Variants in MTUS2 observed in about 807,000 individuals in gnomAD.
MTUS2 encodes microtubule associated scaffold protein 2, also known as microtubule-associated tumor suppressor candidate 2.
MTUS2 carries 40 observed loss-of-function variants against 114.1 expected under a neutral mutation model. The observed-to-expected ratio is 0.35, with a 90% CI of 0.27 to 0.46. The LOEUF (loss-of-function observed/expected upper bound fraction) is 0.46, where lower values mean the gene tolerates loss of function less well. Ranked by LOEUF, MTUS2 falls within the 20% of genes least tolerant of loss-of-function variation. The pLI is 1.00. For synonymous variants in MTUS2, 688 were observed against 672.0 expected (o/e 1.02, Z -0.37); for missense variants, 1,679 against 1,705.4 (o/e 0.98, Z 0.27).
chr13:29,311,339 A>G (rs1360181896), intron 6 of MTUS2, among the ~76,000 whole-genome samples: 2 of 152,186 alleles, frequency 1.3e-5, no homozygotes, highest in Non-Finnish European at 2.9e-5. Flanking sequence ...CTGGGTAACA[A>G]TTGCATGGAT....
At chr13:29,423,473 G>C (rs9579372) in intron 8 of MTUS2, among the ~76,000 whole-genome samples, 1 of 152,008 alleles carries the variant, frequency 6.6e-6, no homozygotes, top group East Asian at 1.9e-4. Flanking sequence ...GAAGGTAGAC[G>C]AGTGAGTTGT....
At chr13:29,132,421 G>A (rs141899369) in intron 5 of MTUS2, among the ~76,000 whole-genome samples, 13 of 152,190 alleles carry the variant, frequency 8.5e-5, no homozygotes, top group Middle Eastern at 3.4e-3. Context: ...CAGTTCAGTG[G>A]CAGTAAGTAC....
At chr13:29,126,429 G>T (rs1032916609) in intron 5 of MTUS2, among the ~76,000 whole-genome samples, 9 of 152,010 alleles carry the variant, frequency 5.9e-5, no homozygotes, top group Non-Finnish European at 1.3e-4. Flanking sequence ...CCATTTTACT[G>T]CCACTTACCC....
At chr13:29,359,811 C>T (rs912450245) in intron 8 of MTUS2, among the ~76,000 whole-genome samples, 1 of 152,038 alleles carries the variant, frequency 6.6e-6, no homozygotes, top group South Asian at 2.1e-4. Flanking sequence ...TTTGCATTTT[C>T]GAGGGGAGAT....
At chr13:29,455,498 T>C (rs1242858386) in intron 9 of MTUS2, among the ~76,000 whole-genome samples, 3 of 152,082 alleles carry the variant, frequency 2.0e-5, no homozygotes, top group South Asian at 4.1e-4. Context: ...AATAAAACCA[T>C]GTGTGACAGA....
At chr13:29,488,435 C>T (rs4556653) in intron 11 of MTUS2, among the ~76,000 whole-genome samples, 8,834 of 136,022 alleles carry the variant, frequency 0.065, 528 homozygotes, top group African/African-American at 0.17. Flanking sequence ...TTTTTTTTTC[C>T]TCTTTTTTTT....
intron 5 of MTUS2, among the ~76,000 whole-genome samples, chr13:29,215,034 T>C (rs865989537): frequency 6.6e-6 from 1 of 152,040 alleles, no homozygotes; most frequent in Non-Finnish European, 1.5e-5. Flanking sequence ...CATAGTCCCA[T>C]ATTTCTTGGT....
intron 8 of MTUS2, among the ~76,000 whole-genome samples, chr13:29,371,761 G>A (rs1209198874): frequency 6.6e-6 from 1 of 152,082 alleles, no homozygotes; most frequent in Admixed American, 6.5e-5. Context: ...AAGATAGGCA[G>A]GAGAACTCTT....
At chr13:28,837,776 T>G (rs1472988800) in intron 1 of MTUS2, among the ~76,000 whole-genome samples, 1 of 152,188 alleles carries the variant, frequency 6.6e-6, no homozygotes, top group East Asian at 1.9e-4. Context: ...TTTTTTCTGT[T>G]ACAATTAGTA....
At chr13:28,926,461 G>A (rs1881333411) in intron 2 of MTUS2, among the ~76,000 whole-genome samples, 1 of 152,114 alleles carries the variant, frequency 6.6e-6, no homozygotes, top group Non-Finnish European at 1.5e-5. Context: ...CTGCACCAGG[G>A]CATTTAGTTC....
chr13:29,171,944 A>G (rs1893579648), intron 5 of MTUS2, among the ~76,000 whole-genome samples: 2 of 152,350 alleles, frequency 1.3e-5, no homozygotes, highest in Middle Eastern at 3.4e-3. Context: ...GTCAGAACTT[A>G]GCCATGTAGT....
chr13:29,281,389 G>C (rs899956335), intron 5 of MTUS2, among the ~76,000 whole-genome samples: 2 of 149,942 alleles, frequency 1.3e-5, no homozygotes, highest in African/African-American at 2.5e-5. Context: ...TAAGCGAACT[G>C]TGTGTGTGTG....
intron 4 of MTUS2, among the ~76,000 whole-genome samples, chr13:29,082,688 CATA>C (rs1234493054): frequency 1.3e-5 from 2 of 152,140 alleles, no homozygotes; most frequent in African/African-American, 4.8e-5. Context: ...TGACTCAAGG[CATA>C]ATGGAGACCT....
intron 5 of MTUS2, among the ~76,000 whole-genome samples, chr13:29,198,790 G>T (rs1281609079): frequency 1.3e-5 from 2 of 152,090 alleles, no homozygotes; most frequent in African/African-American, 2.4e-5. Context: ...CACATCCCTT[G>T]TAAGTTGTCT....
chr13:28,868,994 AG>A (rs1369534732), intron 2 of MTUS2, among the ~76,000 whole-genome samples: 1 of 152,204 alleles, frequency 6.6e-6, no homozygotes, highest in African/African-American at 2.4e-5. Flanking sequence ...GCAAGCACGA[AG>A]GAGAAGGTTG....
rs1248766580 is a variant in MTUS2, at chr13:28,852,747, T to A, written c.-243+12897T>A. Among the ~76,000 whole-genome samples the A allele has an allele frequency of 4.6e-5, 7 of 152,022 alleles. No homozygotes were observed. The South Asian group carries it at 6.2e-4, about 14-fold the overall frequency. On this transcript the variant is annotated intron_variant, in intron 2 of 15. Coordinates refer to ENST00000612955, the MANE Select transcript of MTUS2 (RefSeq NM_001033602.4). ...AGGTGTGGTGGCACACCCATGTAGT[T>A]CCAGCTACTCCGGAGGCTGAGGAGG...
intron 9 of MTUS2, among the ~76,000 whole-genome samples, chr13:29,452,604 GTGTA>G (rs1464786153): frequency 7.9e-4 from 78 of 98,934 alleles, no homozygotes; most frequent in African/African-American, 2.4e-3. Flanking sequence ...GTGTGTGTGT[GTGTA>G]TATATATATA....
chr13:28,835,727 G>T (rs1270407915), intron 1 of MTUS2, among the ~76,000 whole-genome samples: 1 of 152,178 alleles, frequency 6.6e-6, no homozygotes, highest in Non-Finnish European at 1.5e-5. Flanking sequence ...TTCCCCCCAA[G>T]GCAGGTGCTC....
At chr13:29,147,148 C>T (rs1383890350) in intron 5 of MTUS2, among the ~76,000 whole-genome samples, 2 of 151,860 alleles carry the variant, frequency 1.3e-5, no homozygotes, top group African/African-American at 4.8e-5. Flanking sequence ...TTTTTTTAAC[C>T]ATCATTGAGG....
Sources: allele counts gnomAD v4.1 joint callset (sites outside exome capture counted in the v4.1 genomes callset), GRCh38; gene constraint gnomAD v4.1.1; transcripts MANE v1.5; gene names NCBI Gene and HGNC (gene_info 2026-07-23, HGNC 2026-07-21).